SLC2A13: variants seen among roughly 807,000 people sequenced by gnomAD.
SLC2A13 encodes the protein solute carrier family 2 member 13, also known as proton myo-inositol cotransporter.
Under a neutral mutation model 64.4 loss-of-function variants are expected in SLC2A13, and 32 were observed. That is an observed-to-expected ratio of 0.50 (90% CI 0.37 to 0.67). The LOEUF is 0.67. Among genes scored for constraint, SLC2A13 ranks in the 30% least tolerant of loss-of-function variants. SLC2A13 has a pLI of 0.00. For missense variants in SLC2A13, 743 were observed against 829.2 expected, an observed-to-expected ratio of 0.90 and a Z score of 1.28; for synonymous variants, 338 against 327.1, an observed-to-expected ratio of 1.03 and a Z score of -0.36.
In SLC2A13 at chr12:39,759,745, G is replaced by A. The variant is rs941703229; in HGVS notation, c.*281C>T. 1 of 351,336 alleles carries A rather than the reference G, an allele frequency of 2.8e-6. No homozygotes were observed. 21.8% of individuals were successfully genotyped at this position (351,336 alleles called of 1,614,324 possible). ...AAAAGGATACCACTGAAGTCACTGGGTACAATATTCATTTTAGACTATTTC... is the reference window on the plus strand; with the variant it reads ...AAAAGGATACCACTGAAGTCACTGGATACAATATTCATTTTAGACTATTTC... On this transcript the variant is annotated 3_prime_UTR_variant, in exon 10 of 10. Transcript: ENST00000280871.
At chr12:39,873,535 C>T (rs947839937) in intron 4 of SLC2A13, among the ~76,000 whole-genome samples, 2 of 151,996 alleles carry the variant, frequency 1.3e-5, no homozygotes, top group African/African-American at 4.8e-5. Flanking sequence ...TATTTAAAGC[C>T]AAAAGAATTT....
intron 3 of SLC2A13, among the ~76,000 whole-genome samples, chr12:39,971,997 A>AAAAAAATATATATAT (rs1375405006): frequency 1.3e-5 from 1 of 77,354 alleles, no homozygotes; most frequent in Admixed American, 1.8e-4. Context: ...AAAAAAAAAA[A>AAAAAAATATATATAT]ATATATATAT....
At chr12:39,984,304 A>G (rs1423074650) in intron 3 of SLC2A13, among the ~76,000 whole-genome samples, 1 of 152,080 alleles carries the variant, frequency 6.6e-6, no homozygotes, top group African/African-American at 2.4e-5. Flanking sequence ...CAATGTGCAC[A>G]TGTACCCTAA....
chr12:39,861,469 T>C lies in SLC2A13; in HGVS notation c.1319+3293A>G, dbSNP rs560179632. Among the ~76,000 whole-genome samples, 19 of 152,336 alleles carry C rather than the reference T, an allele frequency of 1.2e-4. 1 individual carries two copies. Among genetic ancestry groups the C allele is most frequent in the Admixed American group, 1.1e-3 (17 of 15,308 alleles). Reference sequence around the variant, plus strand: ...TATCTGTCTACTTTTAAATGTTTTATGATAGTGATTTACATATACTGAGAT... The same window carrying C: ...TATCTGTCTACTTTTAAATGTTTTACGATAGTGATTTACATATACTGAGAT... On this transcript the variant is annotated intron_variant, in intron 6 of 9. Transcript: ENST00000280871.
At chr12:40,007,158 C>T (rs998406942) in intron 3 of SLC2A13, among the ~76,000 whole-genome samples, 10 of 152,122 alleles carry the variant, frequency 6.6e-5, no homozygotes, top group Admixed American at 1.3e-4. Flanking sequence ...GAGAGAAGTG[C>T]CCAATGTGAA....
intron 4 of SLC2A13, among the ~76,000 whole-genome samples, chr12:39,898,131 T>G (rs1465421437): frequency 2.0e-5 from 3 of 152,164 alleles, no homozygotes; most frequent in Non-Finnish European, 4.4e-5. Flanking sequence ...CTGGTGAACA[T>G]ACATGTACAG....
intron 3 of SLC2A13, among the ~76,000 whole-genome samples, chr12:40,007,071 T>C (rs1947435025): frequency 6.6e-6 from 1 of 152,238 alleles, no homozygotes; most frequent in Non-Finnish European, 1.5e-5. Context: ...CTTTCGTTTC[T>C]TTCTTTCTTA....
At chr12:39,924,520 TA>T in intron 4 of SLC2A13, among the ~76,000 whole-genome samples, 1 of 152,256 alleles carries the variant, frequency 6.6e-6, no homozygotes, top group Non-Finnish European at 1.5e-5. Context: ...GTGATAAGAC[TA>T]GCTTATCTAA....
intron 1 of SLC2A13, among the ~76,000 whole-genome samples, chr12:40,067,950 C>T (rs575957325): frequency 6.6e-6 from 1 of 152,270 alleles, no homozygotes; most frequent in African/African-American, 2.4e-5. Context: ...GTCACCGAGG[C>T]TGGTGCACAC....
chr12:40,068,121 G>GCTGGAGTACA (rs1937808793), intron 1 of SLC2A13: 1 of 194,870 alleles, frequency 5.1e-6, no homozygotes, highest in East Asian at 1.8e-4. Flanking sequence ...TGTTGCCCAG[G>GCTGGAGTACA]GTGGTCTCCA....
chr12:40,100,914 G>A (rs767481188), intron 1 of SLC2A13, among the ~76,000 whole-genome samples: 22 of 133,074 alleles, frequency 1.7e-4, no homozygotes, highest in African/African-American at 5.5e-4. Flanking sequence ...GCAGTGAGCC[G>A]AGATCTCGCC....
intron 1 of SLC2A13, among the ~76,000 whole-genome samples, chr12:40,087,062 G>A (rs1228639189): frequency 6.6e-6 from 1 of 152,104 alleles, no homozygotes; most frequent in Admixed American, 6.6e-5. Context: ...CTAATCTCAG[G>A]CCGTTTGCTC....
intron 4 of SLC2A13, among the ~76,000 whole-genome samples, chr12:39,892,398 C>T (rs1944637791): frequency 6.6e-6 from 1 of 152,154 alleles, no homozygotes; most frequent in African/African-American, 2.4e-5. Context: ...GCCACAGGAC[C>T]TACTGTTGGC....
At chr12:39,935,805 G>A (rs1238570889) in intron 4 of SLC2A13, among the ~76,000 whole-genome samples, 2 of 152,182 alleles carry the variant, frequency 1.3e-5, no homozygotes, top group African/African-American at 2.4e-5. Flanking sequence ...GCTTGGATTA[G>A]CTTTAATCAT....
intron 7 of SLC2A13, among the ~76,000 whole-genome samples, chr12:39,792,969 A>C (rs1282649423): frequency 6.6e-6 from 1 of 152,062 alleles, no homozygotes; most frequent in Non-Finnish European, 1.5e-5. Flanking sequence ...ATATATCTAC[A>C]TTTTCCTTTA....
At chr12:39,910,484 G>T (rs1945404971) in intron 4 of SLC2A13, among the ~76,000 whole-genome samples, 1 of 151,944 alleles carries the variant, frequency 6.6e-6, no homozygotes, top group Admixed American at 6.6e-5. Context: ...TGTAACCATT[G>T]CCTGGCTTTA....
intron 3 of SLC2A13, among the ~76,000 whole-genome samples, chr12:40,008,388 A>T (rs1160735593): frequency 6.6e-6 from 1 of 152,162 alleles, no homozygotes; most frequent in Non-Finnish European, 1.5e-5. Flanking sequence ...CAGGCGGATC[A>T]TGAAGTCAAC....
At chr12:39,977,584 G>A (rs1342995460) in intron 3 of SLC2A13, among the ~76,000 whole-genome samples, 2 of 152,210 alleles carry the variant, frequency 1.3e-5, no homozygotes, top group African/African-American at 2.4e-5. Flanking sequence ...GTCATCTTGG[G>A]AGGGAGGTTA....
At position 40,058,876 on chromosome 12, in the gene SLC2A13, G is replaced by A. The variant is rs551173203; in HGVS notation, c.557-10666C>T. Among the ~76,000 whole-genome samples the A allele has an allele frequency of 9.5e-4, 145 of 152,302 alleles. 1 individual carries two copies. Among genetic ancestry groups the A allele is most frequent in the African/African-American group, 3.2e-3 (132 of 41,554 alleles). ...CTTCATGAACGAGTCAGATGACTGT[G>A]AAAAGGGCAGTATCATCTCTCTTAG... On this transcript the variant is annotated intron_variant, in intron 1 of 9. Transcript: ENST00000280871.
Sources: gnomAD v4.1 joint callset for allele counts (sites outside exome capture counted in the v4.1 genomes callset) on GRCh38, gnomAD v4.1.1 for gene constraint, MANE v1.5 for transcripts, NCBI Gene and HGNC (gene_info 2026-07-23, HGNC 2026-07-21) for gene names.